Variants in PRR7 observed in about 807,000 individuals in gnomAD.
PRR7 encodes the protein proline rich 7, synaptic.
A neutral mutation model predicts 18.5 loss-of-function variants in PRR7; 8 were observed. That is an observed-to-expected ratio of 0.43 (90% CI 0.25 to 0.78). PRR7 has a LOEUF of 0.78. Among genes scored for constraint, PRR7 ranks in the 30% least tolerant of loss-of-function variants. PRR7 has a pLI of 0.22. For synonymous variants in PRR7, 221 were observed against 187.7 expected (o/e 1.18, Z -1.45); for missense variants, 396 against 403.1 (o/e 0.98, Z 0.15).
rs1756427366 is a variant in PRR7 at position 177,456,088 on chromosome 5, C to T, written c.792C>T (p.Ser264=). Residue 264 remains serine, a synonymous_variant, in exon 4 of 4, where the codon TCC becomes TCT. Coordinates refer to ENST00000323249, the MANE Select transcript of PRR7 (RefSeq NM_030567.5). ...LEHGAWRLPV[S]IPLFGRTTAV The stretch of plus-strand genomic sequence containing the variant: ...ACGGAGCTTGGCGTCTGCCGGTCTC[C>T]ATCCCCTTGTTCGGGAGGACTACAG... 6.4e-7 allele frequency: 1 copy of T among 1,561,220 alleles called. No individual in the cohort carries two copies. The highest frequency in any genetic ancestry group is 8.6e-7 in the Non-Finnish European group (1 of 1,161,522).
In PRR7 at chr5:177,455,671, G is replaced by GT; in HGVS notation, c.428-53_428-52insT. 6.8e-7 allele frequency: 1 copy of GT among 1,479,006 alleles called. No individual in the cohort carries two copies. Among genetic ancestry groups the GT allele is most frequent in the Non-Finnish European group, 9.0e-7 (1 of 1,110,274 alleles). The allele number at this position is 1,479,006 out of a possible 1,614,324, so 91.6% of individuals were successfully genotyped here. A position where few individuals can be genotyped will look rare whatever the true frequency, so the allele number is the denominator to read the frequency against. The stretch of plus-strand genomic sequence containing the variant: ...GGCGGCCCCTGGCCGGGGCCTCTGC[G>GT]AGAGGCTGGGAACCGGCGGCCTCAC... On this transcript the variant is annotated intron_variant, in intron 3 of 3. Transcript: ENST00000323249. The surrounding 1 kb of genome is among the most constrained non-coding windows in gnomAD (Gnocchi z 6.9).
chr5:177,447,170 C>G (rs1480598053), intron 1 of PRR7, among the ~76,000 whole-genome samples: 1 of 152,140 alleles, frequency 6.6e-6, no homozygotes, highest in African/African-American at 2.4e-5. Flanking sequence ...GGGGCGCGAG[C>G]CGCCACCAGT....
upstream of PRR7, chr5:177,446,675 C>T (rs982606019): frequency 2.6e-5 from 4 of 152,104 alleles, no homozygotes; most frequent in Admixed American, 6.5e-5. The surrounding 1 kb of genome is among the most constrained non-coding windows in gnomAD (Gnocchi z 5.3). Context: ...GGGTGACCGT[C>T]CTCCCCCTCC....
chr5:177,453,415 G>A (rs1291467365), intron 1 of PRR7, among the ~76,000 whole-genome samples: 2 of 152,202 alleles, frequency 1.3e-5, no homozygotes, highest in African/African-American at 4.8e-5. Flanking sequence ...TCGAGGGGGC[G>A]GGCAGAGCTA....
rs1756340989 is a variant in PRR7 at position 177,455,005 on chromosome 5, G to A, written c.-63G>A. 2.2e-6 allele frequency: 3 copies of A among 1,385,586 alleles called. No homozygotes were observed. The highest frequency in any genetic ancestry group is 9.3e-7 in the Non-Finnish European group (1 of 1,070,154). 85.8% of individuals were successfully genotyped at this position (1,385,586 alleles called of 1,614,324 possible). On this transcript the variant is annotated 5_prime_UTR_variant, in exon 3 of 4. Coordinates refer to ENST00000323249, the MANE Select transcript of PRR7 (RefSeq NM_030567.5). The surrounding 1 kb of genome is among the most constrained non-coding windows in gnomAD (Gnocchi z 6.9). ...ACCTGAGAGTGTGGCGCGGGCCCGG[G>A]GCCACGCAGCGGAGCCCAGTGTCCA...
In PRR7 at chr5:177,449,548, G is replaced by A. The variant is rs141523781; in HGVS notation, c.-325+2588G>A. On this transcript the variant is annotated intron_variant, in intron 1 of 3. Coordinates refer to ENST00000323249, the MANE Select transcript of PRR7 (RefSeq NM_030567.5). This position sits in a 1 kb window ranked among gnomAD's most constrained non-coding sequence, Gnocchi z 4.2. ...GTGTCACCATCACGCCCGTGGGGCC[G>A]CCTCCCCTGGGAGGTCAGATCATTA... 1.9e-3 allele frequency among the ~76,000 whole-genome samples: 282 copies of A among 152,284 alleles called. 2 individuals are homozygous for A. Among genetic ancestry groups the A allele is most frequent in the African/African-American group, 6.1e-3 (254 of 41,560 alleles).
chr5:177,449,354 G>A lies in PRR7; in HGVS notation c.-325+2394G>A, dbSNP rs1756074632. On this transcript the variant is annotated intron_variant, in intron 1 of 3. Transcript: ENST00000323249. This position sits in a 1 kb window ranked among gnomAD's most constrained non-coding sequence, Gnocchi z 4.2. ...GGCTGCAGGGTGATCCCTCATCAGA[G>A]GGAGTTCTGTTGTCCCCTCGGCACC... is the stretch of plus-strand genomic sequence containing the variant. Among the ~76,000 whole-genome samples, 2 of 152,278 alleles carry A rather than the reference G, an allele frequency of 1.3e-5. No homozygotes were observed. The highest frequency in any genetic ancestry group is 6.5e-5 in the Admixed American group (1 of 15,300).
rs1164431927 is a variant in PRR7 at position 177,455,295 on chromosome 5, GCCA to G, written c.236_238del (p.Pro79del). The G allele has an allele frequency of 1.3e-6, 2 of 1,504,212 alleles. No individual in the cohort carries two copies. Among genetic ancestry groups the G allele is most frequent in the Non-Finnish European group, 8.8e-7 (1 of 1,134,794 alleles). The allele number at this position is 1,504,212 out of a possible 1,614,324, so 93.2% of individuals were successfully genotyped here. ...GCCCCCCGGGCCTGGCGCCGCCGCA[GCCA>G]CCACCACACCGTAGCCGCCTGGAGG... On this transcript the variant is annotated inframe_deletion, in exon 3 of 4. Transcript: ENST00000323249. The surrounding 1 kb of genome is among the most constrained non-coding windows in gnomAD (Gnocchi z 6.9).
rs1369797840 is a variant in PRR7 at position 177,454,390 on chromosome 5, C to T, written c.-240+350C>T. ...AGCCAGGGGCTGCCAGGCGTCTGTA[C>T]AGGGCGTCGGGTGGCTGTCTGTGGG... On this transcript the variant is annotated intron_variant, in intron 2 of 3. Coordinates refer to ENST00000323249, the MANE Select transcript of PRR7 (RefSeq NM_030567.5). The surrounding 1 kb of genome is among the most constrained non-coding windows in gnomAD (Gnocchi z 4.7). Among the ~76,000 whole-genome samples, 2 of 152,190 alleles carry T rather than the reference C, an allele frequency of 1.3e-5. No homozygotes were observed. Among genetic ancestry groups the T allele is most frequent in the African/African-American group, 4.8e-5 (2 of 41,456 alleles).
rs751147283 is a variant in PRR7, at chr5:177,456,139, C to T, written c.*18C>T. The T allele has an allele frequency of 3.3e-5, 47 of 1,417,794 alleles. No homozygotes were observed. Among genetic ancestry groups the T allele is most frequent in the Non-Finnish European group, 4.1e-5 (45 of 1,093,078 alleles). The allele number at this position is 1,417,794 out of a possible 1,614,324, so 87.8% of individuals were successfully genotyped here. A position where few individuals can be genotyped will look rare whatever the true frequency, so the allele number is the denominator to read the frequency against. On this transcript the variant is annotated 3_prime_UTR_variant, in exon 4 of 4. Transcript: ENST00000323249. ...CCGTATAGAGGGGCGCCCGGCGCCCCGGGCCCCACCGGCGGACTCCTGGCC... is the reference window on the plus strand; with the variant it reads ...CCGTATAGAGGGGCGCCCGGCGCCCTGGGCCCCACCGGCGGACTCCTGGCC...
At chr5:177,447,261 C>T (rs1259375553) in intron 1 of PRR7, among the ~76,000 whole-genome samples, 4 of 151,112 alleles carry the variant, frequency 2.6e-5, no homozygotes, top group Admixed American at 2.6e-4. Flanking sequence ...CCCTCCCCCT[C>T]CCTCCCCCCT....
Position 177,455,992 on chromosome 5 carries a change from G to A in PRR7, c.696G>A (p.Gln232=). The A allele has an allele frequency of 1.3e-6, 2 of 1,582,362 alleles. No individual in the cohort carries two copies. Among genetic ancestry groups the A allele is most frequent in the Non-Finnish European group, 1.7e-6 (2 of 1,169,172 alleles). The change falls in exon 4 of 4, where the codon CAG becomes CAA. Residue 232 remains glutamine, a synonymous_variant. Coordinates refer to ENST00000323249, the MANE Select transcript of PRR7 (RefSeq NM_030567.5). This position sits in a 1 kb window ranked among gnomAD's most constrained non-coding sequence, Gnocchi z 6.9. ...PAPPCPALCL[Q]ADRGRRVFPS... ...CGCCCTGCCCAGCCCTCTGCCTGCA[G>A]GCCGACCGTGGCCGCCGGGTCTTCC...
chr5:177,455,478 G>T lies in PRR7; in HGVS notation c.411G>T (p.Trp137Cys). 6.7e-7 allele frequency: 1 copy of T among 1,501,086 alleles called. No homozygotes were observed. Among genetic ancestry groups the T allele is most frequent in the Non-Finnish European group, 8.8e-7 (1 of 1,134,712 alleles). The allele number at this position is 1,501,086 out of a possible 1,614,324, so 93.0% of individuals were successfully genotyped here. A position where few individuals can be genotyped will look rare whatever the true frequency, so the allele number is the denominator to read the frequency against. ...ACCTGTCGGTGCCGCCACGGCCCTG[G>T]AGCTACCCGCGCCAAGGTGAGTACC... ...PTHLSVPPRPWSYPRQAESDM... is the reference protein window; with the variant it reads ...PTHLSVPPRPCSYPRQAESDM... The change falls in exon 3 of 4, where the codon TGG (tryptophan) becomes TGT (cysteine). Residue 137 changes from tryptophan (W) to cysteine (C), a missense_variant. Coordinates refer to ENST00000323249, the MANE Select transcript of PRR7 (RefSeq NM_030567.5). This position sits in a 1 kb window ranked among gnomAD's most constrained non-coding sequence, Gnocchi z 6.9.
At position 177,450,002 on chromosome 5, in the gene PRR7, G is replaced by A. The variant is rs1027842921; in HGVS notation, c.-325+3042G>A. Among the ~76,000 whole-genome samples, 5 of 152,064 alleles carry A rather than the reference G, an allele frequency of 3.3e-5. No individual in the cohort carries two copies. Among genetic ancestry groups the A allele is most frequent in the African/African-American group, 7.3e-5 (3 of 41,374 alleles). On this transcript the variant is annotated intron_variant, in intron 1 of 3. Transcript: ENST00000323249. The surrounding 1 kb of genome is among the most constrained non-coding windows in gnomAD (Gnocchi z 6.6). ...CTGAAATGCCCTTGCTGCCGGGACC[G>A]AGGACTTTGTCATCACCCGGGCTTC... is the stretch of plus-strand genomic sequence containing the variant.
In PRR7 at chr5:177,456,035, G is replaced by C. The variant is rs755983632; in HGVS notation, c.739G>C (p.Glu247Gln). The C allele has an allele frequency of 1.0e-5, 16 of 1,576,832 alleles. No individual in the cohort carries two copies. The highest frequency in any genetic ancestry group is 1.3e-5 in the African/African-American group (1 of 74,130). The change falls in exon 4 of 4, where the codon GAG (glutamate) becomes CAG (glutamine). Residue 247 changes from glutamate to glutamine, a missense_variant. Glu to Gln is a conservative substitution (Grantham distance 29). This residue lies in a region of PRR7 where 383 missense variants were observed against 372.6 expected (regional missense o/e 1.03). Coordinates refer to ENST00000323249, the MANE Select transcript of PRR7 (RefSeq NM_030567.5). ...RRVFPSWTDS[E>Q]LSSREPLEHG... ...GGTCTTCCCCAGCTGGACCGACTCA[G>C]AGCTCAGCAGCCGCGAGCCCCTGGA...
At chr5:177,453,356 C>T (rs1756245995) in intron 1 of PRR7, among the ~76,000 whole-genome samples, 1 of 152,162 alleles carries the variant, frequency 6.6e-6, no homozygotes. Flanking sequence ...CTGGCAGCAT[C>T]GTGTTTTTAT....
In PRR7 at chr5:177,456,150, G is replaced by A. The variant is rs1756436099; in HGVS notation, c.*29G>A. ...GGCGCCCGGCGCCCCGGGCCCCACCGGCGGACTCCTGGCCTGACTGCGGGG... is the reference window on the plus strand; with the variant it reads ...GGCGCCCGGCGCCCCGGGCCCCACCAGCGGACTCCTGGCCTGACTGCGGGG... On this transcript the variant is annotated 3_prime_UTR_variant, in exon 4 of 4. Coordinates refer to ENST00000323249, the MANE Select transcript of PRR7 (RefSeq NM_030567.5). 7.0e-7 allele frequency: 1 copy of A among 1,421,092 alleles called. No homozygotes were observed. The highest frequency in any genetic ancestry group is 3.0e-5 in the Admixed American group (1 of 33,314). The allele number at this position is 1,421,092 out of a possible 1,614,324, so 88.0% of individuals were successfully genotyped here.
At position 177,455,677 on chromosome 5, in the gene PRR7, C is replaced by T; in HGVS notation, c.428-47C>T. The T allele has an allele frequency of 2.7e-6, 4 of 1,499,284 alleles. No homozygotes were observed. The highest frequency in any genetic ancestry group is 2.7e-6 in the Non-Finnish European group (3 of 1,119,674). The allele number at this position is 1,499,284 out of a possible 1,614,324, so 92.9% of individuals were successfully genotyped here. On this transcript the variant is annotated intron_variant, in intron 3 of 3. Coordinates refer to ENST00000323249, the MANE Select transcript of PRR7 (RefSeq NM_030567.5). The surrounding 1 kb of genome is among the most constrained non-coding windows in gnomAD (Gnocchi z 6.9). ...CCCTGGCCGGGGCCTCTGCGAGAGG[C>T]TGGGAACCGGCGGCCTCACCTCCTC...
rs1437728117 is a variant in PRR7 at position 177,449,892 on chromosome 5, T to TGG, written c.-325+2933_-325+2934dup. Among the ~76,000 whole-genome samples the TGG allele has an allele frequency of 1.3e-5, 2 of 151,928 alleles. No homozygotes were observed. Among genetic ancestry groups the TGG allele is most frequent in the Non-Finnish European group, 2.9e-5 (2 of 67,956 alleles). On this transcript the variant is annotated intron_variant, in intron 1 of 3. Coordinates refer to ENST00000323249, the MANE Select transcript of PRR7 (RefSeq NM_030567.5). The surrounding 1 kb of genome is among the most constrained non-coding windows in gnomAD (Gnocchi z 4.2). ...AGCTCCAAGCCTGGCTGACTGGGAGTGGAGACAAGTCCTGTCAAGTCCTCT... is the reference window on the plus strand; with the variant it reads ...AGCTCCAAGCCTGGCTGACTGGGAGTGGGGAGACAAGTCCTGTCAAGTCCTCT...
Sources: gnomAD v4.1 joint callset for allele counts (sites outside exome capture counted in the v4.1 genomes callset) on GRCh38, gnomAD v4.1.1 for gene constraint, gnomAD v4.1.1 regional missense constraint, Gnocchi (gnomAD v3.1) non-coding constraint, MANE v1.5 for transcripts, NCBI Gene and HGNC (gene_info 2026-07-23, HGNC 2026-07-21) for gene names.